INTS6: variants seen among roughly 807,000 people sequenced by gnomAD.
INTS6 encodes integrator complex subunit 6.
Under a neutral mutation model 104.9 loss-of-function variants are expected in INTS6, and 16 were observed. That is an observed-to-expected ratio of 0.15 (90% CI 0.10 to 0.23). The LOEUF is 0.23. INTS6 is among the 10% of genes least tolerant of loss of function. INTS6 has a pLI of 1.00. For synonymous variants in INTS6, 324 were observed against 358.7 expected (o/e 0.90, Z 1.09); for missense variants, 584 against 1,062.8 (o/e 0.55, Z 6.26).
At chr13:51,444,902 G>C (rs888256898) in intron 3 of INTS6, 16 of 145,696 alleles carry the variant, frequency 1.1e-4, no homozygotes, top group African/African-American at 3.6e-4. Context: ...TGTTTTAAAA[G>C]AAAATAAAAT....
chr13:51,410,689 A>C lies in INTS6; in HGVS notation c.430-15206T>G, dbSNP rs540858691. On this transcript the variant is annotated intron_variant, in intron 4 of 17. Transcript: ENST00000311234. ...TAAGACACAGAAAACACAAACTAAAAAGAAAAAATAAATATAAAACTTTAC... is the reference window on the plus strand; with the variant it reads ...TAAGACACAGAAAACACAAACTAAACAGAAAAAATAAATATAAAACTTTAC... 9.8e-5 allele frequency among the ~76,000 whole-genome samples: 15 copies of C among 152,298 alleles called. No individual in the cohort carries two copies. In the East Asian group the frequency reaches 2.9e-3, roughly 29 times the overall value.
At chr13:51,357,701 A>T (rs901605794), downstream of INTS6, among the ~76,000 whole-genome samples, 2 of 152,004 alleles carry the variant, frequency 1.3e-5, no homozygotes, top group African/African-American at 2.4e-5. Flanking sequence ...GATGTTATGC[A>T]GCTTTTAAGA....
At chr13:51,358,596 G>A (rs1016400998), downstream of INTS6, among the ~76,000 whole-genome samples, 5 of 152,118 alleles carry the variant, frequency 3.3e-5, no homozygotes, top group Non-Finnish European at 7.4e-5. Flanking sequence ...GGTAAGGGGT[G>A]TCTATTATTA....
Position 51,387,557 on chromosome 13 carries a change from A to G in INTS6, c.740-17T>C, listed in dbSNP as rs1466010961. On this transcript the variant is annotated splice_polypyrimidine_tract_variant and intron_variant, in intron 6 of 17. Transcript: ENST00000311234. ...GCTGCCCATCTATAGCAAAGAAATT[A>G]AGACAAAGAAAGCATATATCATAAG... The G allele has an allele frequency of 1.3e-6, 2 of 1,596,540 alleles. No individual in the cohort carries two copies. Among genetic ancestry groups the G allele is most frequent in the African/African-American group, 2.7e-5 (2 of 74,208 alleles).
At chr13:51,366,259 A>G (rs1433898173) in intron 17 of INTS6, among the ~76,000 whole-genome samples, 1 of 152,016 alleles carries the variant, frequency 6.6e-6, no homozygotes, top group Admixed American at 6.6e-5. Context: ...GAATGTGAAC[A>G]AAGTATGAAT....
chr13:51,353,609 T>G (rs1402349827), downstream of INTS6, among the ~76,000 whole-genome samples: 1 of 152,212 alleles, frequency 6.6e-6, no homozygotes, highest in Non-Finnish European at 1.5e-5. Flanking sequence ...TTTCAGTACT[T>G]AAGAAAATTT....
At chr13:51,344,393 G>A in the INTS6 span, 2 of 1,612,488 alleles carry the variant, frequency 1.2e-6, no homozygotes, top group South Asian at 1.1e-5. Flanking sequence ...CACGTCTCCT[G>A]GTGGGCTAAC....
At chr13:51,419,135 T>C (rs113850975) in intron 4 of INTS6, among the ~76,000 whole-genome samples, 1,730 of 152,316 alleles carry the variant, frequency 0.011, 26 homozygotes, top group East Asian at 0.071. Flanking sequence ...AGTTTCTTAA[T>C]TTTATGTCTG....
At chr13:51,423,722 T>C (rs1283610686) in intron 4 of INTS6, among the ~76,000 whole-genome samples, 2 of 152,078 alleles carry the variant, frequency 1.3e-5, no homozygotes, top group Non-Finnish European at 2.9e-5. Context: ...TTAACAATTC[T>C]AAAGGTCAAG....
chr13:51,368,313 A>T (rs891410138), intron 16 of INTS6, among the ~76,000 whole-genome samples: 16 of 152,110 alleles, frequency 1.1e-4, no homozygotes, highest in African/African-American at 3.6e-4. Context: ...ATTTCAGTTT[A>T]AAGTTTTCAT....
chr13:51,419,140 T>C (rs1956849440), intron 4 of INTS6, among the ~76,000 whole-genome samples: 1 of 152,194 alleles, frequency 6.6e-6, no homozygotes, highest in Non-Finnish European at 1.5e-5. Context: ...CTTAATTTTA[T>C]GTCTGGTATA....
At chr13:51,348,428 C>T in the INTS6 span, 3 of 1,604,894 alleles carry the variant, frequency 1.9e-6, no homozygotes, top group South Asian at 1.1e-5. Context: ...AGCTGAGTCC[C>T]CCTCACAGGT....
Position 51,452,296 on chromosome 13 carries a change from C to T in INTS6, c.111+119G>A. 1 of 1,083,060 alleles carries T rather than the reference C, an allele frequency of 9.2e-7. No individual in the cohort carries two copies. Among genetic ancestry groups the T allele is most frequent in the Non-Finnish European group, 1.1e-6 (1 of 870,690 alleles). 67.1% of individuals were successfully genotyped at this position (1,083,060 alleles called of 1,614,324 possible). Reference sequence around the variant, plus strand: ...GCCCGCGCGGTGGGGGAGGGGGTCCCCGAGCCCGGCAGCTCCCGCAGTCAG... The same window carrying T: ...GCCCGCGCGGTGGGGGAGGGGGTCCTCGAGCCCGGCAGCTCCCGCAGTCAG... On this transcript the variant is annotated intron_variant, in intron 1 of 17. Transcript: ENST00000311234. The surrounding 1 kb of genome is among the most constrained non-coding windows in gnomAD (Gnocchi z 4.2).
intron 4 of INTS6, among the ~76,000 whole-genome samples, chr13:51,409,432 T>A (rs951059238): frequency 6.6e-6 from 1 of 151,814 alleles, no homozygotes; most frequent in Non-Finnish European, 1.5e-5. Context: ...ATCTTTTAAA[T>A]GTTGGCTTTG....
Position 51,378,414 on chromosome 13 carries a change from T to C in INTS6, c.1427A>G (p.Lys476Arg). 1 of 1,613,400 alleles carries C rather than the reference T, an allele frequency of 6.2e-7. No individual in the cohort carries two copies. Among genetic ancestry groups the C allele is most frequent in the South Asian group, 1.1e-5 (1 of 91,064 alleles). ...ESDRVIGSVG[K>R]KVVQETGIKV... Reference sequence around the variant, plus strand: ...TATTCCAGTCTCCTGTACTACTTTTTTGCCTACAGATCCAATGACTCGATC... The same window carrying C: ...TATTCCAGTCTCCTGTACTACTTTTCTGCCTACAGATCCAATGACTCGATC... Residue 476 changes from lysine to arginine, a missense_variant, in exon 12 of 18, where the codon AAA becomes AGA. Physicochemically the swap from Lys to Arg is conservative, Grantham distance 26. Transcript: ENST00000311234.
chr13:51,414,984 C>T (rs1956760444), intron 4 of INTS6, among the ~76,000 whole-genome samples: 1 of 151,982 alleles, frequency 6.6e-6, no homozygotes, highest in African/African-American at 2.4e-5. Flanking sequence ...ATTCGAAAGT[C>T]AAGAATATCC....
chr13:51,386,485 C>T (rs923552416), intron 7 of INTS6, among the ~76,000 whole-genome samples: 4 of 152,076 alleles, frequency 2.6e-5, no homozygotes, highest in Non-Finnish European at 4.4e-5. Flanking sequence ...AATGAAGATA[C>T]TTCAATGAAA....
At chr13:51,404,161 C>T (rs1376117027) in intron 4 of INTS6, among the ~76,000 whole-genome samples, 1 of 150,306 alleles carries the variant, frequency 6.7e-6, no homozygotes, top group Non-Finnish European at 1.5e-5. Context: ...GCAGTCCCAG[C>T]TAGTTGGGAG....
intron 15 of INTS6, among the ~76,000 whole-genome samples, chr13:51,371,686 CA>C (rs903975757): frequency 6.6e-6 from 1 of 152,042 alleles, no homozygotes; most frequent in African/African-American, 2.4e-5. Flanking sequence ...AACCTTATCA[CA>C]ATCTTTTCTC....
Sources: allele counts gnomAD v4.1 joint callset (sites outside exome capture counted in the v4.1 genomes callset), GRCh38; gene constraint gnomAD v4.1.1; non-coding constraint Gnocchi (gnomAD v3.1); transcripts MANE v1.5; gene names NCBI Gene and HGNC (gene_info 2026-07-23, HGNC 2026-07-21).